The following KIRREL3 variants were observed in gnomAD, a reference collection of about 807,000 sequenced individuals.
The protein encoded by KIRREL3 is kirre like nephrin family adhesion molecule 3.
Under a neutral mutation model 89.7 loss-of-function variants are expected in KIRREL3, and 36 were observed. The ratio of observed to expected loss-of-function variants is 0.40; its 90% CI spans 0.31 to 0.53. The LOEUF (loss-of-function observed/expected upper bound fraction) is 0.53, where lower values mean the gene tolerates loss of function less well. Ranked by LOEUF, KIRREL3 falls within the 20% of genes least tolerant of loss-of-function variation. KIRREL3 has a pLI of 0.49. For synonymous variants in KIRREL3, 445 were observed against 441.4 expected (o/e 1.01, Z -0.10); for missense variants, 864 against 1,056.6 (o/e 0.82, Z 2.53).
rs1309949424 is a variant in KIRREL3 at position 126,719,830 on chromosome 11, G to A, written c.56-156918C>T. 1.3e-5 allele frequency among the ~76,000 whole-genome samples: 2 copies of A among 152,194 alleles called. No individual in the cohort carries two copies. Among genetic ancestry groups the A allele is most frequent in the Non-Finnish European group, 2.9e-5 (2 of 68,036 alleles). ...ACCTTGCATCTGTTGAGGCTCCTGA[G>A]AGACGCCCTGCTTCTTCCCTGCTTC... On this transcript the variant is annotated intron_variant, in intron 1 of 16. Coordinates refer to ENST00000525144, the MANE Select transcript of KIRREL3 (RefSeq NM_032531.4). This position sits in a 1 kb window ranked among gnomAD's most constrained non-coding sequence, Gnocchi z 4.7.
At position 126,477,739 on chromosome 11, in the gene KIRREL3, G is replaced by T. The variant is rs1014683442; in HGVS notation, c.434-4273C>A. On this transcript the variant is annotated intron_variant, in intron 4 of 16. Coordinates refer to ENST00000525144, the MANE Select transcript of KIRREL3 (RefSeq NM_032531.4). The surrounding 1 kb of genome is among the most constrained non-coding windows in gnomAD (Gnocchi z 4.8). ...AGTGTCCACTTGGTCACCCAACTGA[G>T]ACCTGGCTGGGCTTCCAGGAATTCC... Among the ~76,000 whole-genome samples the T allele has an allele frequency of 1.3e-5, 2 of 152,168 alleles. No individual in the cohort carries two copies. The highest frequency in any genetic ancestry group is 2.9e-5 in the Non-Finnish European group (2 of 68,030).
rs1392478833 is a variant in KIRREL3, at chr11:126,782,374, A to C, written c.55+218081T>G. On this transcript the variant is annotated intron_variant, in intron 1 of 16. Transcript: ENST00000525144. The surrounding 1 kb of genome is among the most constrained non-coding windows in gnomAD (Gnocchi z 4.1). ...CTGGCTTATTCAGACTAATACAAAG[A>C]TATAACTAACTGATAGCAGTTCCCT... 1.3e-5 allele frequency among the ~76,000 whole-genome samples: 2 copies of C among 152,244 alleles called. No individual in the cohort carries two copies. The highest frequency in any genetic ancestry group is 6.5e-5 in the Admixed American group (1 of 15,286).
intron 1 of KIRREL3, among the ~76,000 whole-genome samples, chr11:126,878,597 G>GA (rs1565377129): frequency 6.8e-6 from 1 of 147,736 alleles, no homozygotes; most frequent in Middle Eastern, 3.4e-3. Flanking sequence ...GATTCTCAAA[G>GA]AAAAAAATGC....
chr11:126,815,555 G>A (rs771666872), intron 1 of KIRREL3, among the ~76,000 whole-genome samples: 11 of 151,968 alleles, frequency 7.2e-5, no homozygotes, highest in East Asian at 1.9e-4. Flanking sequence ...TTTTTTTGAG[G>A]CGGAGTCTCC....
At chr11:126,467,325 T>C (rs1383416295) in intron 5 of KIRREL3, among the ~76,000 whole-genome samples, 1 of 152,216 alleles carries the variant, frequency 6.6e-6, no homozygotes, top group Non-Finnish European at 1.5e-5. Context: ...GAGGCCGGTC[T>C]TCCCAGGTAT....
chr11:126,813,420 C>T (rs764467438), intron 1 of KIRREL3, among the ~76,000 whole-genome samples: 18 of 152,156 alleles, frequency 1.2e-4, no homozygotes, highest in South Asian at 2.1e-4. Flanking sequence ...CACTAAGCTC[C>T]TTATCACACA....
At chr11:126,793,059 A>G (rs1314406149) in intron 1 of KIRREL3, among the ~76,000 whole-genome samples, 1 of 152,166 alleles carries the variant, frequency 6.6e-6, no homozygotes, top group Non-Finnish European at 1.5e-5. Context: ...CAATAAAATT[A>G]AAGTGTTCAC....
chr11:126,998,562 C>G (rs571965385), intron 1 of KIRREL3, among the ~76,000 whole-genome samples: 1 of 152,212 alleles, frequency 6.6e-6, no homozygotes, highest in South Asian at 2.1e-4. Context: ...TCTCAGGACT[C>G]GGGGTAGATA....
At position 126,886,441 on chromosome 11, in the gene KIRREL3, C is replaced by T. The variant is rs923056608; in HGVS notation, c.55+114014G>A. 1.3e-4 allele frequency among the ~76,000 whole-genome samples: 20 copies of T among 152,296 alleles called. 1 individual carries two copies. Among genetic ancestry groups the T allele is most frequent in the African/African-American group, 4.3e-4 (18 of 41,564 alleles). On this transcript the variant is annotated intron_variant, in intron 1 of 16. Coordinates refer to ENST00000525144, the MANE Select transcript of KIRREL3 (RefSeq NM_032531.4). Reference sequence around the variant, plus strand: ...TATGGCTCATTAGACAAGAAGTGGGCTCACTACTTCTTGTCTGGGTTAACT... The same window carrying T: ...TATGGCTCATTAGACAAGAAGTGGGTTCACTACTTCTTGTCTGGGTTAACT...
intron 1 of KIRREL3, among the ~76,000 whole-genome samples, chr11:126,595,393 G>A (rs1037292792): frequency 6.6e-6 from 1 of 152,326 alleles, no homozygotes; most frequent in Admixed American, 6.5e-5. Context: ...CAGGTTTATC[G>A]CCCAGGATTG....
chr11:126,875,227 G>A (rs1384351878), intron 1 of KIRREL3, among the ~76,000 whole-genome samples: 2 of 151,938 alleles, frequency 1.3e-5, no homozygotes, highest in African/African-American at 4.8e-5. Flanking sequence ...TTTTCTCCTT[G>A]TCCTTTCTCT....
At position 126,860,100 on chromosome 11, in the gene KIRREL3, G is replaced by T. The variant is rs1377062908; in HGVS notation, c.55+140355C>A. Among the ~76,000 whole-genome samples, 1 of 152,176 alleles carries T rather than the reference G, an allele frequency of 6.6e-6. No homozygotes were observed. Among genetic ancestry groups the T allele is most frequent in the Non-Finnish European group, 1.5e-5 (1 of 68,044 alleles). ...CAATAGATTAAGTAGCAGGAATTCA[G>T]GAAGGGAGTAAGGAGGATAAGGAGA... On this transcript the variant is annotated intron_variant, in intron 1 of 16. Transcript: ENST00000525144. This position sits in a 1 kb window ranked among gnomAD's most constrained non-coding sequence, Gnocchi z 4.6.
rs1440584018 is a variant in KIRREL3 at position 126,463,337 on chromosome 11, C to T, written c.592-30G>A. The T allele has an allele frequency of 3.8e-6, 6 of 1,598,420 alleles. No homozygotes were observed. Among genetic ancestry groups the T allele is most frequent in the Non-Finnish European group, 5.1e-6 (6 of 1,169,166 alleles). On this transcript the variant is annotated intron_variant, in intron 5 of 16. Coordinates refer to ENST00000525144, the MANE Select transcript of KIRREL3 (RefSeq NM_032531.4). The surrounding 1 kb of genome is among the most constrained non-coding windows in gnomAD (Gnocchi z 5.9). ...GGAGAAAGGGAAAGGGGAGAGAAAGCTCCATGTCGCTTGGCTGGGGTGGCC... is the reference window on the plus strand; with the variant it reads ...GGAGAAAGGGAAAGGGGAGAGAAAGTTCCATGTCGCTTGGCTGGGGTGGCC...
In KIRREL3 at chr11:126,477,311, G is replaced by A. The variant is rs1352981375; in HGVS notation, c.434-3845C>T. 6.6e-6 allele frequency among the ~76,000 whole-genome samples: 1 copy of A among 152,244 alleles called. No individual in the cohort carries two copies. The highest frequency in any genetic ancestry group is 2.4e-5 in the African/African-American group (1 of 41,470). On this transcript the variant is annotated intron_variant, in intron 4 of 16. Transcript: ENST00000525144. This position sits in a 1 kb window ranked among gnomAD's most constrained non-coding sequence, Gnocchi z 4.8. Reference sequence around the variant, plus strand: ...GCTCTGCCCCTACCTGCCCAGCTCTGCAGACTTTGCCTTGTTTGGGTGGGC... The same window carrying A: ...GCTCTGCCCCTACCTGCCCAGCTCTACAGACTTTGCCTTGTTTGGGTGGGC...
rs1442494427 is a variant in KIRREL3, at chr11:126,623,860, G to A, written c.56-60948C>T. Among the ~76,000 whole-genome samples the A allele has an allele frequency of 2.0e-5, 3 of 152,244 alleles. No homozygotes were observed. The South Asian group carries it at 6.2e-4, about 32-fold the overall frequency. On this transcript the variant is annotated intron_variant, in intron 1 of 16. Coordinates refer to ENST00000525144, the MANE Select transcript of KIRREL3 (RefSeq NM_032531.4). The surrounding 1 kb of genome is among the most constrained non-coding windows in gnomAD (Gnocchi z 4.1). ...CCCTCTGTTGAACCTGGCAATAAACGTTATGCCTCTCCCCAACCCCAGTCC... is the reference window on the plus strand; with the variant it reads ...CCCTCTGTTGAACCTGGCAATAAACATTATGCCTCTCCCCAACCCCAGTCC...
Position 126,985,506 on chromosome 11 carries a change from G to T in KIRREL3, c.55+14949C>A, listed in dbSNP as rs1000156745. Among the ~76,000 whole-genome samples, 1 of 152,128 alleles carries T rather than the reference G, an allele frequency of 6.6e-6. No individual in the cohort carries two copies. The highest frequency in any genetic ancestry group is 1.5e-5 in the Non-Finnish European group (1 of 68,036). The stretch of plus-strand genomic sequence containing the variant: ...ATTTAAATTAGATTGTGGGGAGAGA[G>T]GTCAAGGAAACTTCCACCAGGAGGC... On this transcript the variant is annotated intron_variant, in intron 1 of 16. Coordinates refer to ENST00000525144, the MANE Select transcript of KIRREL3 (RefSeq NM_032531.4). This position sits in a 1 kb window ranked among gnomAD's most constrained non-coding sequence, Gnocchi z 5.3.
chr11:126,445,888 C>T (rs1431746644), intron 9 of KIRREL3, among the ~76,000 whole-genome samples: 1 of 152,190 alleles, frequency 6.6e-6, no homozygotes, highest in Non-Finnish European at 1.5e-5. Context: ...GTGGCTCACG[C>T]CTGTAATCCC....
In KIRREL3 at chr11:126,870,663, G is replaced by A. The variant is rs759510132; in HGVS notation, c.55+129792C>T. On this transcript the variant is annotated intron_variant, in intron 1 of 16. Transcript: ENST00000525144. This position sits in a 1 kb window ranked among gnomAD's most constrained non-coding sequence, Gnocchi z 4.4. ...CTCGTTTCCAATTCCACTCATGGCC[G>A]CCATCTATTTGCACAGCTCATCTGG... 6.6e-5 allele frequency among the ~76,000 whole-genome samples: 10 copies of A among 152,110 alleles called. No homozygotes were observed. The highest frequency in any genetic ancestry group is 1.3e-4 in the Non-Finnish European group (9 of 68,034).
rs1948521355 is a variant in KIRREL3, at chr11:126,943,466, G to A, written c.55+56989C>T. ...ATTGTACAAATAGAATTGCCTAGAT[G>A]TGATGGCTTTGCCCATTAGGAGTGT... On this transcript the variant is annotated intron_variant, in intron 1 of 16. Transcript: ENST00000525144. The surrounding 1 kb of genome is among the most constrained non-coding windows in gnomAD (Gnocchi z 4.2). Among the ~76,000 whole-genome samples the A allele has an allele frequency of 6.6e-6, 1 of 152,228 alleles. No individual in the cohort carries two copies. Among genetic ancestry groups the A allele is most frequent in the African/African-American group, 2.4e-5 (1 of 41,458 alleles).
Sources: gnomAD v4.1 joint callset for allele counts (sites outside exome capture counted in the v4.1 genomes callset) on GRCh38, gnomAD v4.1.1 for gene constraint, Gnocchi (gnomAD v3.1) non-coding constraint, MANE v1.5 for transcripts, NCBI Gene and HGNC (gene_info 2026-07-23, HGNC 2026-07-21) for gene names.